Variants in MVK observed in about 807,000 individuals in gnomAD.
MVK encodes LH receptor mRNA-binding protein.
A neutral mutation model predicts 43.2 loss-of-function variants in MVK; 34 were observed. The observed-to-expected ratio is 0.79, with a 90% CI of 0.60 to 1.05. The LOEUF is 1.05. MVK is among the 50% of genes least tolerant of loss of function. MVK has a pLI of 0.00. For missense variants in MVK, 395 were observed against 504.0 expected (o/e 0.78, Z 2.07); for synonymous variants, 190 against 219.8 (o/e 0.86, Z 1.20).
At chr12:109,574,763 C>G in intron 1 of MVK, 46 bp from the exon 2 acceptor site, 1 of 1,471,678 alleles carries the variant, frequency 6.8e-7, no homozygotes, top group Non-Finnish European at 9.3e-7. Flanking sequence ...CCTGCTGGTT[C>G]TGACATCTAG....
intron 4 of MVK, among the ~76,000 whole-genome samples, chr12:109,580,337 A>G (rs1885164111): frequency 6.6e-6 from 1 of 152,258 alleles, no homozygotes; most frequent in South Asian, 2.1e-4. Context: ...TCCTGGGCTC[A>G]TGTGATCCAA....
Position 109,595,072 on chromosome 12 carries a change from G to A in MVK, c.930G>A (p.Val310=). The part of the protein sequence containing the change: ...MNQHHLNALG[V]GHASLDQLCQ... ...AGCACCATCTGAATGCCCTCGGCGT[G>A]GGCCACGCCTCTCTGGACCAGCTCT... Residue 310 remains valine, a synonymous_variant, in exon 10 of 11, where the codon GTG becomes GTA. Coordinates refer to ENST00000228510, the MANE Select transcript of MVK (RefSeq NM_000431.4). This position sits in a 1 kb window ranked among gnomAD's most constrained non-coding sequence, Gnocchi z 5.9. 6.2e-7 allele frequency: 1 copy of A among 1,614,228 alleles called. No homozygotes were observed. Among genetic ancestry groups the A allele is most frequent in the Non-Finnish European group, 8.5e-7 (1 of 1,180,046 alleles).
intron 5 of MVK, among the ~76,000 whole-genome samples, chr12:109,584,890 A>T (rs2136234586): frequency 6.6e-6 from 1 of 152,296 alleles, no homozygotes; most frequent in East Asian, 1.9e-4. Context: ...CATCTCAAAA[A>T]AACAAAACTA....
chr12:109,573,314 G>C (rs775525617), upstream of MVK: 2 of 1,612,130 alleles, frequency 1.2e-6, no homozygotes, highest in South Asian at 2.2e-5. Context: ...TTCACGGCAG[G>C]TGTTCGAGTT....
chr12:109,595,103 G>A lies in MVK; in HGVS notation c.961G>A (p.Val321Met), dbSNP rs779869991. The change falls in exon 10 of 11, where the codon GTG becomes ATG. Residue 321 changes from valine (V) to methionine (M), a missense_variant. Transcript: ENST00000228510. This position sits in a 1 kb window ranked among gnomAD's most constrained non-coding sequence, Gnocchi z 5.9. The stretch of plus-strand genomic sequence containing the variant: ...CGCCTCTCTGGACCAGCTCTGCCAG[G>A]TGACCAGGGCCCGCGGACTTCACAG... ...GHASLDQLCQ[V>M]TRARGLHSKL... 3.7e-6 allele frequency: 6 copies of A among 1,614,076 alleles called. No homozygotes were observed. Among genetic ancestry groups the A allele is most frequent in the African/African-American group, 1.3e-5 (1 of 74,946 alleles).
intron 5 of MVK, among the ~76,000 whole-genome samples, chr12:109,583,647 A>G (rs1186268878): frequency 6.6e-6 from 1 of 152,164 alleles, no homozygotes; most frequent in African/African-American, 2.4e-5. Flanking sequence ...TGGTATTTCT[A>G]GTTCTACATC....
intron 6 of MVK, 29 bp downstream of exon 6, chr12:109,586,154 G>C: frequency 6.4e-7 from 1 of 1,558,710 alleles, no homozygotes; most frequent in Non-Finnish European, 8.8e-7. Flanking sequence ...TTATTTTATT[G>C]TTGTTATTTT....
At chr12:109,581,246 A>G (rs748344498) in intron 4 of MVK, 149 bp from the exon 5 acceptor site, 10 of 953,826 alleles carry the variant, frequency 1.0e-5, no homozygotes, top group Admixed American at 3.5e-5. Context: ...CTGATGTTCA[A>G]TAGGGATACA....
intron 5 of MVK, among the ~76,000 whole-genome samples, chr12:109,585,796 C>A (rs141842576): frequency 1.3e-5 from 2 of 152,092 alleles, no homozygotes; most frequent in African/African-American, 4.8e-5. Context: ...AGTAGGACCA[C>A]GGGAGTCCAA....
At chr12:109,584,325 T>A (rs1885348838) in intron 5 of MVK, among the ~76,000 whole-genome samples, 1 of 152,164 alleles carries the variant, frequency 6.6e-6, no homozygotes, top group South Asian at 2.1e-4. Flanking sequence ...AGAAAGAGAC[T>A]CAGAGCAGGT....
intron 5 of MVK, among the ~76,000 whole-genome samples, chr12:109,581,783 C>G (rs1208451181): frequency 1.3e-5 from 2 of 152,222 alleles, no homozygotes; most frequent in African/African-American, 2.4e-5. Flanking sequence ...TGCTCTCCAC[C>G]ACCTCTGCTC....
At chr12:109,575,755 C>T (rs1441120484) in intron 2 of MVK, among the ~76,000 whole-genome samples, 1 of 152,098 alleles carries the variant, frequency 6.6e-6, no homozygotes, top group African/African-American at 2.4e-5. Flanking sequence ...GAAGTGATTC[C>T]TTGGTATTGA....
chr12:109,588,308 A>T (rs1885528709), intron 7 of MVK: 1 of 152,300 alleles, frequency 6.6e-6, no homozygotes, highest in Non-Finnish European at 1.5e-5. Flanking sequence ...AGCCTGGGGA[A>T]TCATTCATGG....
In MVK at chr12:109,596,762, GC is replaced by G. The variant is rs539888909; in HGVS notation, c.*188del. The G allele has an allele frequency of 5.4e-5, 46 of 856,778 alleles. No individual in the cohort carries two copies. In the African/African-American group the frequency reaches 7.6e-4, roughly 14 times the overall value. The allele number at this position is 856,778 out of a possible 1,614,324, so 53.1% of individuals were successfully genotyped here. ...GGTGGGACCTAGGGAGGCATGGTCT[GC>G]CCTCTGCATCCTCTGGAGCCAGCCG... On this transcript the variant is annotated 3_prime_UTR_variant, in exon 11 of 11. Coordinates refer to ENST00000228510, the MANE Select transcript of MVK (RefSeq NM_000431.4).
At position 109,581,512 on chromosome 12, in the gene MVK, G is replaced by A. The variant is rs994351028; in HGVS notation, c.489G>A (p.Glu163=). The A allele has an allele frequency of 6.2e-7, 1 of 1,614,114 alleles. No individual in the cohort carries two copies. The highest frequency in any genetic ancestry group is 8.5e-7 in the Non-Finnish European group (1 of 1,180,046). ...LAAALLTVCE[E]IPNPLKDGDC... is the part of the protein sequence containing the mutation. Reference sequence around the variant, plus strand: ...CAGCCCTCCTGACTGTGTGCGAGGAGATCCCAAACCCGCTGAAGGACGGGG... The same window carrying A: ...CAGCCCTCCTGACTGTGTGCGAGGAAATCCCAAACCCGCTGAAGGACGGGG... The change falls in exon 5 of 11, where the codon GAG becomes GAA. Residue 163 remains glutamate (E), a synonymous_variant. Coordinates refer to ENST00000228510, the MANE Select transcript of MVK (RefSeq NM_000431.4).
chr12:109,586,975 C>A, intron 7 of MVK, 176 bp downstream of exon 7: 1 of 678,990 alleles, frequency 1.5e-6, no homozygotes, highest in Non-Finnish European at 2.6e-6. Flanking sequence ...GGAAGACCTG[C>A]TCTCTCCTTC....
chr12:109,590,944 G>C, intron 8 of MVK, 83 bp downstream of exon 8: 5 of 1,437,658 alleles, frequency 3.5e-6, no homozygotes, highest in Middle Eastern at 3.5e-4. Context: ...CCCTCTGGCT[G>C]ATGGGTTATA....
chr12:109,593,716 A>ATTTTTTTTTTT (rs33948292), intron 9 of MVK, among the ~76,000 whole-genome samples: 2 of 110,406 alleles, frequency 1.8e-5, no homozygotes, highest in African/African-American at 3.8e-5. Context: ...AAAGAAGCAG[A>ATTTTTTTTTTT]TTTTTTTTTT....
intron 5 of MVK, 107 bp downstream of exon 5, chr12:109,581,657 A>G (rs1318139683): frequency 1.3e-6 from 2 of 1,513,346 alleles, no homozygotes; most frequent in Admixed American, 1.8e-5. Context: ...GAGGTGTCAT[A>G]GTGGCCATTT....
Sources: gnomAD v4.1 joint callset for allele counts (sites outside exome capture counted in the v4.1 genomes callset) on GRCh38, gnomAD v4.1.1 for gene constraint, Gnocchi (gnomAD v3.1) non-coding constraint, MANE v1.5 for transcripts, NCBI Gene and HGNC (gene_info 2026-07-23, HGNC 2026-07-21) for gene names.